Variants in NYAP2 observed in about 807,000 individuals in gnomAD.
The protein encoded by NYAP2 is neuronal tyrosine-phosphorylated phosphoinositide-3-kinase adaptor 2.
In NYAP2, 23 loss-of-function variants were observed where a neutral mutation model predicts 50.4. The observed-to-expected ratio is 0.46, with a 90% CI of 0.33 to 0.65. The LOEUF (loss-of-function observed/expected upper bound fraction) is 0.65, where lower values mean the gene tolerates loss of function less well. Among genes scored for constraint, NYAP2 ranks in the 30% least tolerant of loss-of-function variants. NYAP2 has a pLI of 0.02. For missense variants in NYAP2, 885 were observed against 861.0 expected, an observed-to-expected ratio of 1.03 and a Z score of -0.35; for synonymous variants, 394 against 365.2, an observed-to-expected ratio of 1.08 and a Z score of -0.90.
chr2:225,672,087 TAA>T, the NYAP2 span, among the ~76,000 whole-genome samples: 1 of 152,024 alleles, frequency 6.6e-6, no homozygotes, highest in Admixed American at 6.6e-5. Context: ...GGCTTCAACT[TAA>T]AGTCACTGGC....
chr2:225,574,076 G>A (rs1692126938), intron 4 of NYAP2, among the ~76,000 whole-genome samples: 1 of 152,134 alleles, frequency 6.6e-6, no homozygotes, highest in African/African-American at 2.4e-5. Flanking sequence ...TCATGACATG[G>A]CAATATCAGA....
exon 3 of NYAP2, chr2:225,408,957 T>A: frequency 6.2e-7 from 1 of 1,611,944 alleles, no homozygotes; most frequent in Non-Finnish European, 8.5e-7. Flanking sequence ...ATTGAGGATA[T>A]GGGGATGAAG....
chr2:225,496,309 GAAAA>G (rs376784365), intron 3 of NYAP2, among the ~76,000 whole-genome samples: 1 of 148,950 alleles, frequency 6.7e-6, no homozygotes, highest in African/African-American at 2.5e-5. Context: ...ATGACAGGAA[GAAAA>G]AAAAAATATC....
chr2:225,603,098 T>A (rs1477851672), intron 5 of NYAP2, among the ~76,000 whole-genome samples: 1 of 152,236 alleles, frequency 6.6e-6, no homozygotes, highest in East Asian at 1.9e-4. Flanking sequence ...TACTGAAATT[T>A]TTTTAGCAAT....
chr2:225,584,733 A>G (rs953618944), intron 5 of NYAP2, among the ~76,000 whole-genome samples: 2 of 152,206 alleles, frequency 1.3e-5, no homozygotes, highest in Non-Finnish European at 2.9e-5. Context: ...AATGTTAGCT[A>G]CTTCAATAAT....
intron 6 of NYAP2, among the ~76,000 whole-genome samples, chr2:225,647,972 A>C (rs1194498626): frequency 3.3e-5 from 1 of 30,726 alleles, no homozygotes; most frequent in Non-Finnish European, 6.0e-5. Context: ...GTGCATACAT[A>C]TGTGTGTGTG....
intron 3 of NYAP2, among the ~76,000 whole-genome samples, chr2:225,475,908 T>C (rs1690096679): frequency 6.6e-6 from 1 of 152,224 alleles, no homozygotes; most frequent in Admixed American, 6.5e-5. Flanking sequence ...CTCTTCATTT[T>C]ACAATGAAAG....
intron 6 of NYAP2, among the ~76,000 whole-genome samples, chr2:225,633,718 CA>C (rs1309715325): frequency 1.3e-5 from 2 of 152,184 alleles, no homozygotes; most frequent in Non-Finnish European, 2.9e-5. Context: ...CCCAAGTGGA[CA>C]AAAGCTACTC....
At chr2:225,691,504 A>G in the NYAP2 span, among the ~76,000 whole-genome samples, 2 of 152,140 alleles carry the variant, frequency 1.3e-5, no homozygotes, top group Non-Finnish European at 2.9e-5. Context: ...GCCGACCCCT[A>G]TCCATTATCT....
At chr2:225,529,791 T>C (rs1263060322) in intron 4 of NYAP2, among the ~76,000 whole-genome samples, 1 of 152,262 alleles carries the variant, frequency 6.6e-6, no homozygotes, top group Non-Finnish European at 1.5e-5. Context: ...CACTGCAACC[T>C]CTGCCTCCTG....
At chr2:225,680,383 T>C in the NYAP2 span, among the ~76,000 whole-genome samples, 1 of 152,160 alleles carries the variant, frequency 6.6e-6, no homozygotes, top group Non-Finnish European at 1.5e-5. Context: ...TGCAATCTTA[T>C]AGAGTAGATT....
intron 4 of NYAP2, among the ~76,000 whole-genome samples, chr2:225,517,599 A>T (rs956861252): frequency 2.6e-5 from 4 of 152,174 alleles, no homozygotes; most frequent in Non-Finnish European, 4.4e-5. Flanking sequence ...CATCCCTCAC[A>T]GCTTTATGAC....
chr2:225,578,544 A>G (rs543885604), intron 4 of NYAP2, among the ~76,000 whole-genome samples: 1 of 152,316 alleles, frequency 6.6e-6, no homozygotes, highest in South Asian at 2.1e-4. Flanking sequence ...GAAACTGGAG[A>G]GTCAGATCAA....
chr2:225,674,740 TTGTAGATTCTCCTGGAGGCAGTA>T, the NYAP2 span, among the ~76,000 whole-genome samples: 1 of 152,086 alleles, frequency 6.6e-6, no homozygotes, highest in Non-Finnish European at 1.5e-5. Context: ...CCTCATCTAT[TTGTAGATTCTCCTGGAGGCAGTA>T]TGTTGAGGGA....
At chr2:225,540,952 A>G (rs988220963) in intron 4 of NYAP2, among the ~76,000 whole-genome samples, 1 of 152,000 alleles carries the variant, frequency 6.6e-6, no homozygotes, top group Admixed American at 6.6e-5. Context: ...AGCCTTTGTT[A>G]TTGCCTGTCT....
chr2:225,583,314 G>T (rs1346809799), intron 5 of NYAP2, among the ~76,000 whole-genome samples: 1 of 152,118 alleles, frequency 6.6e-6, no homozygotes, highest in Non-Finnish European at 1.5e-5. Context: ...TTCTTGCAAT[G>T]GTCCTGGAAA....
chr2:225,406,859 T>C lies in NYAP2; in HGVS notation c.-17-2005T>C, dbSNP rs976914626. ...ACTTTCAGAGGTAAACAAATAAACTTATTGATATTTGGAATATAGAAACTG... is the reference window on the plus strand; with the variant it reads ...ACTTTCAGAGGTAAACAAATAAACTCATTGATATTTGGAATATAGAAACTG... On this transcript the variant is annotated intron_variant, in intron 2 of 6. Coordinates refer to ENST00000636099, the Ensembl canonical transcript of NYAP2. 2.0e-5 allele frequency among the ~76,000 whole-genome samples: 3 copies of C among 152,004 alleles called. No individual in the cohort carries two copies. In the South Asian group the frequency reaches 6.2e-4, roughly 31 times the overall value.
At chr2:225,429,807 G>A (rs1375644951) in intron 3 of NYAP2, among the ~76,000 whole-genome samples, 2 of 152,130 alleles carry the variant, frequency 1.3e-5, no homozygotes, top group African/African-American at 2.4e-5. Flanking sequence ...GAATTCTGGT[G>A]CATCTATGAT....
intron 6 of NYAP2, among the ~76,000 whole-genome samples, chr2:225,641,608 T>C (rs951236207): frequency 6.7e-4 from 101 of 151,078 alleles, no homozygotes; most frequent in African/African-American, 2.4e-3. Flanking sequence ...ATGTCAGGAG[T>C]TCAAGACCAG....
Sources: allele counts gnomAD v4.1 joint callset (sites outside exome capture counted in the v4.1 genomes callset), GRCh38; gene constraint gnomAD v4.1.1; transcripts MANE v1.5; gene names NCBI Gene and HGNC (gene_info 2026-07-23, HGNC 2026-07-21).